Variants in IGFL2 observed in about 807,000 individuals in gnomAD.
IGFL2 encodes the protein IGF like family member 2.
Under a neutral mutation model 13.9 loss-of-function variants are expected in IGFL2, and 7 were observed. The observed-to-expected ratio is 0.51, with a 90% CI of 0.29 to 0.95. IGFL2 has a LOEUF of 0.95. Among genes scored for constraint, IGFL2 ranks in the 40% least tolerant of loss-of-function variants. The probability of loss-of-function intolerance (pLI) is 0.08; values close to 1 mark genes in which losing one functional copy is unlikely to be tolerated. For missense variants in IGFL2, 138 were observed against 147.8 expected (o/e 0.93, Z 0.34); for synonymous variants, 55 against 55.8 (o/e 0.99, Z 0.07).
At chr19:46,118,847 C>G in the IGFL2 span, among the ~76,000 whole-genome samples, 2 of 152,168 alleles carry the variant, frequency 1.3e-5, no homozygotes, top group Admixed American at 6.5e-5. Flanking sequence ...CTCAGCCTCT[C>G]TGGTTGCAGG....
chr19:46,079,885 G>A, the IGFL2 span, among the ~76,000 whole-genome samples: 665 of 152,252 alleles, frequency 4.4e-3, 1 homozygote, highest in Non-Finnish European at 6.8e-3. Context: ...TCACTACAAT[G>A]CTGCCCATCA....
chr19:46,079,664 C>T, the IGFL2 span, among the ~76,000 whole-genome samples: 2,049 of 152,218 alleles, frequency 0.013, 32 homozygotes, highest in Middle Eastern at 0.027. Flanking sequence ...TAGTCTGCAC[C>T]ACTTCTGCCA....
At chr19:46,168,718 G>A in the IGFL2 span, among the ~76,000 whole-genome samples, 1 of 152,170 alleles carries the variant, frequency 6.6e-6, no homozygotes, top group African/African-American at 2.4e-5. Flanking sequence ...AGCAGAGTGT[G>A]CATTCAGTGC....
At chr19:46,110,726 T>G in the IGFL2 span, among the ~76,000 whole-genome samples, 1,631 of 152,316 alleles carry the variant, frequency 0.011, 30 homozygotes, top group African/African-American at 0.037. Flanking sequence ...TGGAGATACC[T>G]TCTGACAAGA....
chr19:46,120,378 A>G, the IGFL2 span: 9 of 1,610,700 alleles, frequency 5.6e-6, no homozygotes, highest in Middle Eastern at 1.7e-4. Context: ...GCCCCAAATC[A>G]AAGTGTCTTA....
intron 1 of IGFL2, among the ~76,000 whole-genome samples, chr19:46,155,235 G>A (rs1190868886): frequency 1.3e-5 from 2 of 152,212 alleles, no homozygotes; most frequent in African/African-American, 2.4e-5. Context: ...TAGCACATCC[G>A]CAACATGGAG....
chr19:46,187,787 A>G, the IGFL2 span, among the ~76,000 whole-genome samples: 2 of 147,538 alleles, frequency 1.4e-5, no homozygotes, highest in Non-Finnish European at 3.0e-5. Flanking sequence ...GTGAGCATTA[A>G]CCCGTTTAAA....
At chr19:46,138,316 G>A (rs1345219773), upstream of IGFL2, among the ~76,000 whole-genome samples, 2 of 152,184 alleles carry the variant, frequency 1.3e-5, no homozygotes, top group Non-Finnish European at 2.9e-5. Flanking sequence ...CTTCTGGGCT[G>A]CATCGTCTAA....
chr19:46,175,873 C>T, the IGFL2 span, among the ~76,000 whole-genome samples: 6 of 145,364 alleles, frequency 4.1e-5, no homozygotes, highest in Admixed American at 2.1e-4. Context: ...AACGGAGTCT[C>T]GCTCTGTCAC....
At chr19:46,158,231 A>AGAGTGTCACTCTGTCACCTAGACAG (rs1491250433) in intron 1 of IGFL2, among the ~76,000 whole-genome samples, 2 of 152,114 alleles carry the variant, frequency 1.3e-5, no homozygotes, top group African/African-American at 4.8e-5. Context: ...ATTTTGAGAC[A>AGAGTGTCACTCTGTCACCTAGACAG]GAGTGTCACT....
chr19:46,140,050 A>T (rs1466203452), upstream of IGFL2, among the ~76,000 whole-genome samples: 5 of 152,000 alleles, frequency 3.3e-5, no homozygotes. Context: ...CCTGGGTTCA[A>T]ACGATTCTCC....
chr19:46,102,664 T>C, the IGFL2 span, among the ~76,000 whole-genome samples: 2 of 152,300 alleles, frequency 1.3e-5, no homozygotes, highest in South Asian at 4.1e-4. Flanking sequence ...TTCACTTCTT[T>C]TGTGAATCTT....
the IGFL2 span, among the ~76,000 whole-genome samples, chr19:46,082,403 C>T: frequency 2.0e-5 from 3 of 152,096 alleles, no homozygotes; most frequent in Non-Finnish European, 4.4e-5. Context: ...TCTCTTGATC[C>T]CCACAGGGTG....
chr19:46,191,249 G>A, the IGFL2 span, among the ~76,000 whole-genome samples: 11 of 152,106 alleles, frequency 7.2e-5, no homozygotes, highest in African/African-American at 1.9e-4. Flanking sequence ...AAGGGAAGAC[G>A]CAGGGCCATA....
At chr19:46,135,599 T>C in the IGFL2 span, among the ~76,000 whole-genome samples, 8 of 152,088 alleles carry the variant, frequency 5.3e-5, no homozygotes, top group Non-Finnish European at 2.9e-5. Flanking sequence ...GTGAGGGAGG[T>C]AGGACCTCAC....
chr19:46,154,122 A>T (rs1007630824), intron 1 of IGFL2, among the ~76,000 whole-genome samples: 12 of 152,064 alleles, frequency 7.9e-5, no homozygotes, highest in Non-Finnish European at 1.8e-4. Context: ...TTTGCTGAGG[A>T]TGATGGTTTC....
At chr19:46,085,387 A>G in the IGFL2 span, among the ~76,000 whole-genome samples, 6 of 152,192 alleles carry the variant, frequency 3.9e-5, no homozygotes, top group African/African-American at 1.2e-4. Flanking sequence ...TCATTATGTA[A>G]TGCCCTTCTT....
At chr19:46,102,814 G>A in the IGFL2 span, among the ~76,000 whole-genome samples, 41 of 152,054 alleles carry the variant, frequency 2.7e-4, no homozygotes, top group Non-Finnish European at 1.0e-4. Flanking sequence ...GTGTTGGGGC[G>A]GCAAAATATT....
the IGFL2 span, among the ~76,000 whole-genome samples, chr19:46,184,227 C>T: frequency 6.6e-6 from 1 of 151,694 alleles, no homozygotes; most frequent in African/African-American, 2.4e-5. Context: ...ATTATATGTG[C>T]CTCTCTCTTT....
Sources: gnomAD v4.1 joint callset for allele counts (sites outside exome capture counted in the v4.1 genomes callset) on GRCh38, gnomAD v4.1.1 for gene constraint, MANE v1.5 for transcripts, NCBI Gene and HGNC (gene_info 2026-07-23, HGNC 2026-07-21) for gene names.